Variants in KDM4C observed in about 807,000 individuals in gnomAD.
KDM4C encodes lysine demethylase 4C.
Under a neutral mutation model 129.3 loss-of-function variants are expected in KDM4C, and 81 were observed. The observed-to-expected ratio is 0.63, with a 90% CI of 0.52 to 0.75. The LOEUF is 0.75. Ranked by LOEUF, KDM4C falls within the 30% of genes least tolerant of loss-of-function variation. The probability of loss-of-function intolerance (pLI) is 0.00; values close to 1 mark genes in which losing one functional copy is unlikely to be tolerated. For missense variants in KDM4C, 1,457 were observed against 1,304.0 expected, an observed-to-expected ratio of 1.12 and a Z score of -1.81; for synonymous variants, 573 against 456.1, an observed-to-expected ratio of 1.26 and a Z score of -3.26.
intron 17 of KDM4C, chr9:7,076,314 T>C: frequency 1.4e-6 from 1 of 694,838 alleles, no homozygotes; most frequent in Non-Finnish European, 2.6e-6. Flanking sequence ...GGAATACATA[T>C]GGGAAGTGTC....
chr9:6,992,737 C>T (rs1818978565), intron 12 of KDM4C, among the ~76,000 whole-genome samples: 1 of 152,200 alleles, frequency 6.6e-6, no homozygotes, highest in Non-Finnish European at 1.5e-5. Context: ...AAATCCAACT[C>T]CTTTGGGGGA....
chr9:7,110,550 A>G, intron 18 of KDM4C, among the ~76,000 whole-genome samples: 1 of 152,032 alleles, frequency 6.6e-6, no homozygotes, highest in Middle Eastern at 3.2e-3. Flanking sequence ...AGTGGGTGGG[A>G]ATGAGGTATG....
intron 7 of KDM4C, among the ~76,000 whole-genome samples, chr9:6,888,678 A>G (rs529305772): frequency 6.6e-6 from 1 of 152,324 alleles, no homozygotes; most frequent in South Asian, 2.1e-4. Flanking sequence ...CTGATATGAA[A>G]AAAGGTTTTG....
intron 2 of KDM4C, among the ~76,000 whole-genome samples, chr9:6,802,071 C>G (rs1373717974): frequency 6.6e-6 from 1 of 150,654 alleles, no homozygotes; most frequent in African/African-American, 2.4e-5. Flanking sequence ...CGCCATTGCA[C>G]TCCAGCCTGG....
chr9:7,037,778 T>G (rs1309380534), intron 15 of KDM4C, among the ~76,000 whole-genome samples: 1 of 152,146 alleles, frequency 6.6e-6, no homozygotes, highest in East Asian at 1.9e-4. Context: ...TGCTGTTCTT[T>G]GGAGACAGAA....
intron 8 of KDM4C, among the ~76,000 whole-genome samples, chr9:6,915,866 T>G (rs1197888714): frequency 6.6e-6 from 1 of 152,200 alleles, no homozygotes; most frequent in Non-Finnish European, 1.5e-5. Context: ...TGGAAGGACC[T>G]ATGCTGGGGC....
At chr9:6,742,038 T>C (rs1166261890) in intron 1 of KDM4C, among the ~76,000 whole-genome samples, 4 of 152,108 alleles carry the variant, frequency 2.6e-5, no homozygotes, top group Admixed American at 2.0e-4. Context: ...AGTGGAGTGA[T>C]CTCGGCTCAC....
At chr9:7,151,662 G>A (rs575053883) in intron 19 of KDM4C, among the ~76,000 whole-genome samples, 12 of 152,312 alleles carry the variant, frequency 7.9e-5, no homozygotes, top group Non-Finnish European at 1.5e-4. Flanking sequence ...CTGGGCGACA[G>A]GAGTGAGACC....
intron 1 of KDM4C, among the ~76,000 whole-genome samples, chr9:6,784,225 C>A (rs1824992066): frequency 6.6e-6 from 1 of 152,102 alleles, no homozygotes. Context: ...ATTTAAGTAA[C>A]TTTCCTGAGG....
chr9:7,054,912 C>T (rs562834624), intron 17 of KDM4C, among the ~76,000 whole-genome samples: 5 of 152,106 alleles, frequency 3.3e-5, no homozygotes, highest in Admixed American at 6.6e-5. Flanking sequence ...AATATTAAAT[C>T]ACATCTTTCA....
intron 12 of KDM4C, among the ~76,000 whole-genome samples, chr9:6,991,383 G>A (rs536655762): frequency 1.3e-5 from 2 of 152,152 alleles, no homozygotes; most frequent in South Asian, 2.1e-4. Context: ...TGCATGCCTG[G>A]TTACCCTTCT....
intron 8 of KDM4C, among the ~76,000 whole-genome samples, chr9:6,928,061 T>C (rs1172763330): frequency 6.6e-6 from 1 of 152,202 alleles, no homozygotes; most frequent in Admixed American, 6.5e-5. Flanking sequence ...TCACCACTTA[T>C]TCCTTTTTTA....
chr9:6,739,248 T>G (rs1258593389), intron 1 of KDM4C, among the ~76,000 whole-genome samples: 1 of 151,940 alleles, frequency 6.6e-6, no homozygotes, highest in Non-Finnish European at 1.5e-5. Context: ...AATTTTTGTA[T>G]TTTTAGTAGA....
At position 6,948,386 on chromosome 9, in the gene KDM4C, A is replaced by G. The variant is rs117874849; in HGVS notation, c.922-32539A>G. Among the ~76,000 whole-genome samples, 452 of 151,958 alleles carry G rather than the reference A, an allele frequency of 3.0e-3. 6 individuals carry two copies. The East Asian group carries it at 0.039, about 13-fold the overall frequency. ...TGAACAGTAGGATTTCGTTCTAAAT[A>G]TACGTACTTATAAAAGTGACCTTGT... On this transcript the variant is annotated intron_variant, in intron 8 of 21. Transcript: ENST00000381309.
intron 1 of KDM4C, among the ~76,000 whole-genome samples, chr9:6,748,425 T>C (rs1406590107): frequency 1.3e-5 from 2 of 151,780 alleles, no homozygotes; most frequent in Non-Finnish European, 2.9e-5. Context: ...GAGAATCGCT[T>C]GAACCTGGGA....
At chr9:7,019,713 A>AAAAATATATTTTTATATAT (rs1824346639) in intron 15 of KDM4C, among the ~76,000 whole-genome samples, 1 of 105,368 alleles carries the variant, frequency 9.5e-6, no homozygotes, top group Non-Finnish European at 1.8e-5. Context: ...TTTTATATAT[A>AAAAATATATTTTTATATAT]AAAATATAAT....
In KDM4C at chr9:7,063,128, G is replaced by T. The variant is rs534487781; in HGVS notation, c.2424+13928G>T. ...AAATAGAATTTGCCACATATCTTTA[G>T]TAAAATAATGTATCATAACCATGAG... On this transcript the variant is annotated intron_variant, in intron 17 of 21. Coordinates refer to ENST00000381309, the MANE Select transcript of KDM4C (RefSeq NM_015061.6). Among the ~76,000 whole-genome samples the T allele has an allele frequency of 4.4e-4, 67 of 152,214 alleles. 1 individual carries two copies. Among genetic ancestry groups the T allele is most frequent in the Admixed American group, 1.2e-3 (19 of 15,276 alleles).
intron 1 of KDM4C, among the ~76,000 whole-genome samples, chr9:6,781,320 G>A (rs918565817): frequency 1.3e-5 from 2 of 151,928 alleles, no homozygotes; most frequent in Non-Finnish European, 1.5e-5. Context: ...ACAAGTTTAG[G>A]TTCCTGTCAC....
intron 1 of KDM4C, among the ~76,000 whole-genome samples, chr9:6,746,790 C>CCT: frequency 6.7e-6 from 1 of 149,032 alleles, no homozygotes; most frequent in Non-Finnish European, 1.5e-5. Flanking sequence ...GGGTGGATCA[C>CCT]GAGGTCAGGA....
Sources: gnomAD v4.1 joint callset for allele counts (sites outside exome capture counted in the v4.1 genomes callset) on GRCh38, gnomAD v4.1.1 for gene constraint, MANE v1.5 for transcripts, NCBI Gene and HGNC (gene_info 2026-07-23, HGNC 2026-07-21) for gene names.